ATP6V1C2: variants seen among roughly 807,000 people sequenced by gnomAD.
The protein encoded by ATP6V1C2 is V-type proton ATPase subunit C 2.
Under a neutral mutation model 56.8 loss-of-function variants are expected in ATP6V1C2, and 45 were observed. The observed-to-expected ratio is 0.79, with a 90% confidence interval of 0.62 to 1.02. The LOEUF is 1.02. ATP6V1C2 is among the 50% of genes least tolerant of loss of function. The pLI is 0.00. For missense variants in ATP6V1C2, 463 were observed against 519.7 expected, an observed-to-expected ratio of 0.89 and a Z score of 1.06; for synonymous variants, 220 against 201.3, an observed-to-expected ratio of 1.09 and a Z score of -0.79.
intron 3 of ATP6V1C2, among the ~76,000 whole-genome samples, chr2:10,739,394 C>A (rs902133154): frequency 1.3e-5 from 2 of 152,122 alleles, no homozygotes; most frequent in Non-Finnish European, 2.9e-5. Flanking sequence ...GCGACCCTCA[C>A]TTCCAGACCC....
chr2:10,782,114 G>A, intron 12 of ATP6V1C2, 129 bp from the exon 13 acceptor site: 6 of 1,141,010 alleles, frequency 5.3e-6, no homozygotes, highest in Middle Eastern at 2.7e-4. Context: ...CATTTTGCTC[G>A]AGTTTGACTT....
chr2:10,753,866 T>C (rs1176050164), intron 3 of ATP6V1C2, 115 bp from the exon 4 acceptor site: 1 of 929,422 alleles, frequency 1.1e-6, no homozygotes, highest in Non-Finnish European at 1.7e-6. Flanking sequence ...TCATACATCT[T>C]GCCAAATTAT....
In ATP6V1C2 at chr2:10,743,598, A is replaced by G. The variant is rs574214680; in HGVS notation, c.198-10383A>G. On this transcript the variant is annotated intron_variant, in intron 3 of 13. Transcript: ENST00000272238. ...AATGGCTCACACCTGTAATCCCAGCACTAGGGAGGCCAAGGCAGAAGGATG... is the reference window on the plus strand; with the variant it reads ...AATGGCTCACACCTGTAATCCCAGCGCTAGGGAGGCCAAGGCAGAAGGATG... Among the ~76,000 whole-genome samples the G allele has an allele frequency of 2.7e-4, 41 of 151,872 alleles. 1 individual carries two copies. The East Asian group carries it at 6.9e-3, about 26-fold the overall frequency.
intron 5 of ATP6V1C2, chr2:10,768,126 G>C (rs1198847): frequency 0.99 from 151,465 of 152,868 alleles, 75,055 homozygotes; most frequent in East Asian, 1. Context: ...GGGGTGTCAC[G>C]ACGTGGGGCT....
intron 3 of ATP6V1C2, among the ~76,000 whole-genome samples, chr2:10,742,801 G>A (rs1037606249): frequency 3.9e-5 from 6 of 152,174 alleles, no homozygotes; most frequent in Non-Finnish European, 8.8e-5. Flanking sequence ...TTTGTGGAAA[G>A]GAAGGAAAGG....
intron 12 of ATP6V1C2, 104 bp downstream of exon 12, chr2:10,778,773 G>A (rs887539959): frequency 1.6e-5 from 17 of 1,092,758 alleles, no homozygotes; most frequent in Admixed American, 1.5e-4. Context: ...TCCTCCACCC[G>A]TCTCCTTTCT....
At chr2:10,770,506 G>A (rs193128444) in intron 6 of ATP6V1C2, among the ~76,000 whole-genome samples, 80 of 152,336 alleles carry the variant, frequency 5.3e-4, no homozygotes, top group Admixed American at 1.4e-3. Flanking sequence ...GCCGGGCGCC[G>A]GGGCAGAGAG....
intron 5 of ATP6V1C2, among the ~76,000 whole-genome samples, chr2:10,765,036 C>T (rs1480147643): frequency 1.3e-5 from 2 of 152,002 alleles, no homozygotes; most frequent in Non-Finnish European, 2.9e-5. Context: ...TCCTAGGAAC[C>T]TGACACCTCT....
At chr2:10,769,949 C>G (rs1664483398) in intron 6 of ATP6V1C2, 1 of 152,238 alleles carries the variant, frequency 6.6e-6, no homozygotes, top group Non-Finnish European at 1.5e-5. Flanking sequence ...CCCGAACCAG[C>G]TGCCCTCCCC....
At chr2:10,729,172 C>CTTTTTTTTTTTT (rs372762251) in intron 3 of ATP6V1C2, among the ~76,000 whole-genome samples, 73 of 144,890 alleles carry the variant, frequency 5.0e-4, no homozygotes, top group African/African-American at 1.7e-3. Flanking sequence ...CATTGGAAAA[C>CTTTTTTTTTTTT]TTTTTTTTTT....
chr2:10,733,322 A>G (rs752661496), intron 3 of ATP6V1C2, among the ~76,000 whole-genome samples: 2 of 152,206 alleles, frequency 1.3e-5, no homozygotes, highest in Non-Finnish European at 2.9e-5. Context: ...AGTTCTTTGA[A>G]AAGTCCTCGA....
intron 11 of ATP6V1C2, 79 bp downstream of exon 11, chr2:10,777,801 C>A (rs972380737): frequency 6.7e-7 from 1 of 1,503,316 alleles, no homozygotes; most frequent in East Asian, 2.3e-5. Context: ...GAAAATGAAT[C>A]CTTGCATTTT....
chr2:10,749,674 C>T (rs1439390946), intron 3 of ATP6V1C2, among the ~76,000 whole-genome samples: 1 of 152,132 alleles, frequency 6.6e-6, no homozygotes, highest in Non-Finnish European at 1.5e-5. Flanking sequence ...ATTCTTAATT[C>T]CAGAAGTTGC....
In ATP6V1C2 at chr2:10,777,737, G is replaced by A. The variant is rs761583449; in HGVS notation, c.963+15G>A. 38 of 1,597,164 alleles carry A rather than the reference G, an allele frequency of 2.4e-5. 1 individual carries two copies. Among genetic ancestry groups the A allele is most frequent in the East Asian group, 1.1e-4 (5 of 44,738 alleles). On this transcript the variant is annotated intron_variant, in intron 11 of 13. Coordinates refer to ENST00000272238, the MANE Select transcript of ATP6V1C2 (RefSeq NM_001039362.2). ...GCGAGGGTGAGGTAAGCAACGCCCC[G>A]GGAACCCCGGGGTCCCTGGCTCACA...
chr2:10,785,059 A>G lies in ATP6V1C2; in HGVS notation c.*1796A>G. 7.1e-7 allele frequency: 1 copy of G among 1,407,432 alleles called. No homozygotes were observed. Among genetic ancestry groups the G allele is most frequent in the Non-Finnish European group, 9.9e-7 (1 of 1,013,710 alleles). 87.2% of individuals were successfully genotyped at this position (1,407,432 alleles called of 1,614,324 possible). A position where few individuals can be genotyped will look rare whatever the true frequency, so the allele number is the denominator to read the frequency against. ...AGGGAAAAATGACCAAAACACACAC[A>G]CACATTTACAATGGACTGCTGGTGC... On this transcript the variant is annotated 3_prime_UTR_variant, in exon 14 of 14. Coordinates refer to ENST00000272238, the MANE Select transcript of ATP6V1C2 (RefSeq NM_001039362.2).
At chr2:10,762,552 G>A (rs1281199019) in intron 4 of ATP6V1C2, among the ~76,000 whole-genome samples, 1 of 152,126 alleles carries the variant, frequency 6.6e-6, no homozygotes, top group Non-Finnish European at 1.5e-5. Flanking sequence ...TTATCTTCAG[G>A]CCTTTCCTTC....
chr2:10,747,476 A>G (rs1019658262), intron 3 of ATP6V1C2, among the ~76,000 whole-genome samples: 1 of 152,144 alleles, frequency 6.6e-6, no homozygotes, highest in African/African-American at 2.4e-5. Flanking sequence ...ACATCCTCTT[A>G]TATAACTTTA....
intron 6 of ATP6V1C2, among the ~76,000 whole-genome samples, chr2:10,771,196 C>T (rs769339024): frequency 1.3e-5 from 2 of 152,214 alleles, no homozygotes; most frequent in Admixed American, 6.5e-5. Flanking sequence ...AGCGATTTCC[C>T]GGGGAAGCAC....
At chr2:10,760,776 G>A (rs1188314143) in intron 4 of ATP6V1C2, among the ~76,000 whole-genome samples, 1 of 152,238 alleles carries the variant, frequency 6.6e-6, no homozygotes, top group Non-Finnish European at 1.5e-5. Context: ...TTACAGGGCA[G>A]GGGTGCTTCA....
Sources: allele counts gnomAD v4.1 joint callset (sites outside exome capture counted in the v4.1 genomes callset), GRCh38; gene constraint gnomAD v4.1.1; transcripts MANE v1.5; gene names NCBI Gene and HGNC (gene_info 2026-07-23, HGNC 2026-07-21).